Variants in CLIC5 observed in about 807,000 individuals in gnomAD.
CLIC5 encodes the protein CLIC family member 5, also known as chloride intracellular channel protein 5.
A neutral mutation model predicts 24.7 loss-of-function variants in CLIC5; 20 were observed. That is an observed-to-expected ratio of 0.81 (90% CI 0.57 to 1.18). The LOEUF (loss-of-function observed/expected upper bound fraction) is 1.18. Ranked by LOEUF, CLIC5 falls within the 50% of genes most tolerant of loss-of-function variation. CLIC5 has a pLI of 0.00. For missense variants in CLIC5, 341 were observed against 326.1 expected, an observed-to-expected ratio of 1.05 and a Z score of -0.35; for synonymous variants, 159 against 135.6, an observed-to-expected ratio of 1.17 and a Z score of -1.20.
intron 5 of CLIC5, 110 bp from the exon 6 acceptor site, chr6:45,903,365 A>C (rs1762562173): frequency 4.8e-6 from 4 of 829,344 alleles, no homozygotes. Flanking sequence ...TCCGTGCATC[A>C]CCACGGGCCA....
At chr6:46,031,832 G>A (rs573487165) in intron 1 of CLIC5, among the ~76,000 whole-genome samples, 54 of 148,944 alleles carry the variant, frequency 3.6e-4, no homozygotes, top group Non-Finnish European at 6.7e-4. Flanking sequence ...AGTGCATATA[G>A]TCATTTCATC....
the CLIC5 span, among the ~76,000 whole-genome samples, chr6:46,106,135 C>T: frequency 2.4e-4 from 36 of 152,100 alleles, no homozygotes; most frequent in Admixed American, 3.3e-4. Flanking sequence ...AACAGAGTTT[C>T]GCTCTGTCAC....
At chr6:45,912,065 G>T in intron 5 of CLIC5, 1 of 985,954 alleles carries the variant, frequency 1.0e-6, no homozygotes, top group Non-Finnish European at 1.2e-6. Context: ...GAGATCTGAC[G>T]TTCGCAGGGA....
At chr6:46,103,789 G>C in the CLIC5 span, among the ~76,000 whole-genome samples, 2 of 151,970 alleles carry the variant, frequency 1.3e-5, no homozygotes, top group African/African-American at 4.8e-5. Context: ...GTTTTCCTTT[G>C]GCTCCTACTG....
chr6:46,065,794 C>A (rs1423562029), intron 1 of CLIC5, among the ~76,000 whole-genome samples: 2 of 152,100 alleles, frequency 1.3e-5, no homozygotes, highest in African/African-American at 4.8e-5. Context: ...AAGACAGAGC[C>A]TTTTGAGGTG....
the CLIC5 span, among the ~76,000 whole-genome samples, chr6:46,108,800 G>GT: frequency 2.6e-5 from 4 of 151,646 alleles, no homozygotes; most frequent in South Asian, 2.1e-4. Flanking sequence ...TTGAATGAAT[G>GT]TTTTTTTTCA....
intron 6 of CLIC5, among the ~76,000 whole-genome samples, chr6:45,885,251 T>G (rs1762295617): frequency 6.6e-6 from 1 of 152,178 alleles, no homozygotes; most frequent in African/African-American, 2.4e-5. Flanking sequence ...TCGCCCTGTT[T>G]CTACCATGTG....
intron 1 of CLIC5, among the ~76,000 whole-genome samples, chr6:46,031,357 G>C (rs1161983978): frequency 6.6e-6 from 1 of 152,142 alleles, no homozygotes; most frequent in East Asian, 1.9e-4. Flanking sequence ...GGTGAGCCTT[G>C]ACTCTCAGTA....
intron 1 of CLIC5, among the ~76,000 whole-genome samples, chr6:46,033,280 C>T (rs1014807743): frequency 1.3e-5 from 2 of 151,582 alleles, no homozygotes; most frequent in African/African-American, 4.8e-5. Flanking sequence ...AGCCACCACA[C>T]CCGGCCAAAT....
chr6:46,009,618 C>T (rs775734227), intron 1 of CLIC5, among the ~76,000 whole-genome samples: 24 of 152,118 alleles, frequency 1.6e-4, no homozygotes, highest in East Asian at 3.9e-4. Flanking sequence ...TGAGAGCCTA[C>T]GACATTTTCC....
rs188520827 is a variant in CLIC5 at position 45,912,623 on chromosome 6, T to C, written c.588+1605A>G. The C allele has an allele frequency of 1.7e-4, 255 of 1,493,110 alleles. 1 individual carries two copies. The East Asian group carries it at 4.0e-3, about 23-fold the overall frequency. The allele number at this position is 1,493,110 out of a possible 1,614,324, so 92.5% of individuals were successfully genotyped here. On this transcript the variant is annotated intron_variant, in intron 5 of 5. Coordinates refer to ENST00000339561, the MANE Select transcript of CLIC5 (RefSeq NM_016929.5). ...TTAAATGATGTGCCTCAGCTCATGC[T>C]GCTAGTTGGCAGCAAATACAGGACC...
At chr6:46,096,598 A>T in the CLIC5 span, among the ~76,000 whole-genome samples, 1 of 152,160 alleles carries the variant, frequency 6.6e-6, no homozygotes, top group Non-Finnish European at 1.5e-5. Context: ...TGGTGTCCTT[A>T]TGACATGGCT....
At chr6:46,040,520 G>A (rs1209183461) in intron 1 of CLIC5, among the ~76,000 whole-genome samples, 7 of 152,054 alleles carry the variant, frequency 4.6e-5, no homozygotes, top group Non-Finnish European at 1.5e-5. Flanking sequence ...GGTGGTGAAT[G>A]ATGATGGTGA....
the CLIC5 span, among the ~76,000 whole-genome samples, chr6:46,119,367 T>A: frequency 3.1e-4 from 47 of 152,364 alleles, no homozygotes; most frequent in South Asian, 8.9e-3. Flanking sequence ...GATAGTATAG[T>A]GCAAACACAT....
At chr6:45,948,190 A>G (rs1371012416) in intron 3 of CLIC5, among the ~76,000 whole-genome samples, 1 of 152,236 alleles carries the variant, frequency 6.6e-6, no homozygotes, top group African/African-American at 2.4e-5. Flanking sequence ...GTGTTGATGA[A>G]TAAATAAAAC....
At chr6:45,985,801 T>C (rs766518224) in intron 1 of CLIC5, among the ~76,000 whole-genome samples, 21 of 152,088 alleles carry the variant, frequency 1.4e-4, no homozygotes, top group Admixed American at 6.6e-5. Flanking sequence ...GTCCTTGTAG[T>C]TGTTCTCCCA....
chr6:45,978,877 G>C (rs1561979715), intron 1 of CLIC5, among the ~76,000 whole-genome samples: 1 of 151,930 alleles, frequency 6.6e-6, no homozygotes, highest in East Asian at 1.9e-4. Flanking sequence ...TTGAACCCAG[G>C]ATGCGGAGGT....
intron 1 of CLIC5, among the ~76,000 whole-genome samples, chr6:46,006,083 TGTATAAATAC>T: frequency 9.5e-6 from 1 of 105,546 alleles, no homozygotes; most frequent in East Asian, 3.3e-4. Flanking sequence ...TATATACACA[TGTATAAATAC>T]ATATATATAT....
chr6:45,974,223 G>T (rs1765301605), intron 1 of CLIC5, among the ~76,000 whole-genome samples: 1 of 151,668 alleles, frequency 6.6e-6, no homozygotes, highest in Non-Finnish European at 1.5e-5. Flanking sequence ...CTGTCCTTAT[G>T]CTCCCCTGAG....
Sources: gnomAD v4.1 joint callset for allele counts (sites outside exome capture counted in the v4.1 genomes callset) on GRCh38, gnomAD v4.1.1 for gene constraint, MANE v1.5 for transcripts, NCBI Gene and HGNC (gene_info 2026-07-23, HGNC 2026-07-21) for gene names.